Variants in CHL1 observed in about 807,000 individuals in gnomAD.
The protein encoded by CHL1 is neural cell adhesion molecule L1-like protein.
In CHL1, 96 loss-of-function variants were observed where a neutral mutation model predicts 141.9. The observed-to-expected ratio is 0.68, with a 90% confidence interval of 0.57 to 0.80. The LOEUF (loss-of-function observed/expected upper bound fraction) is 0.80, where lower values mean the gene tolerates loss of function less well. Ranked by LOEUF, CHL1 falls within the 30% of genes least tolerant of loss-of-function variation. CHL1 has a pLI of 0.00. For missense variants in CHL1, 1,820 were observed against 1,457.2 expected (o/e 1.25, Z -4.05); for synonymous variants, 613 against 502.2 (o/e 1.22, Z -2.95).
chr3:233,081 A>G (rs1002501680), intron 1 of CHL1, among the ~76,000 whole-genome samples: 22 of 152,058 alleles, frequency 1.4e-4, no homozygotes, highest in African/African-American at 5.1e-4. Context: ...CTGAGGATAC[A>G]AAGATACCAA....
intron 2 of CHL1, among the ~76,000 whole-genome samples, chr3:273,164 A>G (rs192367830): frequency 6.6e-6 from 1 of 152,280 alleles, no homozygotes; most frequent in African/African-American, 2.4e-5. Flanking sequence ...AGGAGGTGGG[A>G]GTAAATTCAG....
Position 405,813 on chromosome 3 carries a change from G to A in CHL1, c.*102G>A, listed in dbSNP as rs927032129. 11 of 779,620 alleles carry A rather than the reference G, an allele frequency of 1.4e-5. No homozygotes were observed. Among genetic ancestry groups the A allele is most frequent in the Admixed American group, 5.1e-5 (2 of 39,462 alleles). 48.3% of individuals were successfully genotyped at this position (779,620 alleles called of 1,614,324 possible). A position where few individuals can be genotyped will look rare whatever the true frequency, so the allele number is the denominator to read the frequency against. On this transcript the variant is annotated 3_prime_UTR_variant, in exon 28 of 28. Transcript: ENST00000256509. ...ATATAGGAATAGAAACATGCTGGCC[G>A]AAGATTTCATCCAGAAGTCAACATC...
intron 3 of CHL1, among the ~76,000 whole-genome samples, chr3:324,116 G>T (rs954215686): frequency 6.6e-6 from 1 of 151,422 alleles, no homozygotes; most frequent in Non-Finnish European, 1.5e-5. Flanking sequence ...TAATTTGTAA[G>T]ACTGCAAAAG....
chr3:224,763 A>G (rs1003030180), intron 1 of CHL1, among the ~76,000 whole-genome samples: 7 of 152,200 alleles, frequency 4.6e-5, no homozygotes, highest in African/African-American at 1.7e-4. Flanking sequence ...ATTTATTGTC[A>G]TAATTTTGCA....
intron 4 of CHL1, among the ~76,000 whole-genome samples, chr3:326,940 C>G (rs964912699): frequency 6.6e-6 from 1 of 151,104 alleles, no homozygotes; most frequent in African/African-American, 2.4e-5. Context: ...CTATGTTTAA[C>G]CAAATGGAAT....
intron 2 of CHL1, among the ~76,000 whole-genome samples, chr3:257,353 C>A (rs1450173105): frequency 7.3e-6 from 1 of 137,164 alleles, no homozygotes; most frequent in Non-Finnish European, 1.6e-5. Context: ...TTTTCTTCTT[C>A]TTTTTTTTTT....
intron 2 of CHL1, among the ~76,000 whole-genome samples, chr3:299,915 C>T (rs1467984748): frequency 6.6e-6 from 1 of 152,174 alleles, no homozygotes; most frequent in Non-Finnish European, 1.5e-5. Flanking sequence ...TCTCTCCATT[C>T]CATCGAGATT....
intron 15 of CHL1, among the ~76,000 whole-genome samples, chr3:376,157 C>A (rs1432446210): frequency 6.6e-6 from 1 of 152,144 alleles, no homozygotes; most frequent in Admixed American, 6.5e-5. Flanking sequence ...TCCCAGCTGA[C>A]CTATGATGGG....
At chr3:336,288 C>T (rs1029017023) in intron 5 of CHL1, among the ~76,000 whole-genome samples, 5 of 151,828 alleles carry the variant, frequency 3.3e-5, no homozygotes, top group Admixed American at 3.3e-4. Context: ...ATAAGGAAAC[C>T]TTCTATTTTG....
chr3:325,149 G>C (rs532054498), intron 3 of CHL1, among the ~76,000 whole-genome samples: 2 of 148,894 alleles, frequency 1.3e-5, no homozygotes, highest in South Asian at 4.3e-4. Context: ...GCCCATGAAA[G>C]AACATTTATT....
At chr3:359,251 T>C (rs994227946) in intron 11 of CHL1, among the ~76,000 whole-genome samples, 1 of 151,426 alleles carries the variant, frequency 6.6e-6, no homozygotes, top group Admixed American at 6.6e-5. Context: ...TCCAGTAGAG[T>C]TTTTGGTCCT....
chr3:369,340 T>A (rs1219806026), intron 15 of CHL1, among the ~76,000 whole-genome samples: 1 of 152,120 alleles, frequency 6.6e-6, no homozygotes, highest in Non-Finnish European at 1.5e-5. Context: ...TATTCCTAGG[T>A]ATTTGATTCT....
chr3:211,269 G>A (rs1021291490), intron 1 of CHL1, among the ~76,000 whole-genome samples: 5 of 152,108 alleles, frequency 3.3e-5, no homozygotes, highest in African/African-American at 7.2e-5. Context: ...ATGATACATC[G>A]GGCTGCAGAG....
chr3:300,052 G>A (rs1698587344), intron 2 of CHL1, among the ~76,000 whole-genome samples: 1 of 152,144 alleles, frequency 6.6e-6, no homozygotes. Flanking sequence ...ATGGAAAATG[G>A]CAGCTTAGAG....
chr3:224,536 A>T (rs546421253), intron 1 of CHL1, among the ~76,000 whole-genome samples: 1 of 152,086 alleles, frequency 6.6e-6, no homozygotes, highest in East Asian at 1.9e-4. Context: ...TCCCCAACTA[A>T]GTCTCTCTCT....
chr3:366,146 T>G, intron 15 of CHL1, 31 bp downstream of exon 15: 1 of 1,589,094 alleles, frequency 6.3e-7, no homozygotes, highest in African/African-American at 1.4e-5. Flanking sequence ...TGTCATAATA[T>G]TTGCTTGGGG....
Position 348,823 on chromosome 3 carries a change from T to C in CHL1, c.849-536T>C, listed in dbSNP as rs59351637. On this transcript the variant is annotated intron_variant, in intron 9 of 27. Coordinates refer to ENST00000256509, the MANE Select transcript of CHL1 (RefSeq NM_006614.4). ...TTCCAGCTTGCCCTGGAATAGGCTG[T>C]TCATGGGTCTAATCGACATGTCCAG... Among the ~76,000 whole-genome samples the C allele has an allele frequency of 1.6e-3, 249 of 152,326 alleles. 3 individuals carry two copies. The highest frequency in any genetic ancestry group is 5.8e-3 in the African/African-American group (241 of 41,578).
chr3:293,494 C>T (rs1035049465), intron 2 of CHL1, among the ~76,000 whole-genome samples: 2 of 151,944 alleles, frequency 1.3e-5, no homozygotes, highest in South Asian at 2.1e-4. Context: ...CACAGAGTGA[C>T]ACTCCATCAA....
intron 2 of CHL1, chr3:247,123 G>A (rs1467653225): frequency 6.6e-6 from 1 of 151,804 alleles, no homozygotes; most frequent in Non-Finnish European, 1.5e-5. Flanking sequence ...GTTAACAGCT[G>A]CCTTCTCTTG....
Sources: allele counts gnomAD v4.1 joint callset (sites outside exome capture counted in the v4.1 genomes callset), GRCh38; gene constraint gnomAD v4.1.1; transcripts MANE v1.5; gene names NCBI Gene and HGNC (gene_info 2026-07-23, HGNC 2026-07-21).